Variants in NT5DC1 observed in about 807,000 individuals in gnomAD.
NT5DC1 encodes the protein 5'-nucleotidase domain-containing protein 1.
In NT5DC1, 42 loss-of-function variants were observed where a neutral mutation model predicts 59.4. That is an observed-to-expected ratio of 0.71 (90% confidence interval 0.55 to 0.92). NT5DC1 has a LOEUF of 0.92. Ranked by LOEUF, NT5DC1 falls within the 40% of genes least tolerant of loss-of-function variation. The pLI, the probability that NT5DC1 is intolerant of heterozygous loss-of-function variation, is 0.00. For synonymous variants in NT5DC1, 172 were observed against 188.1 expected, an observed-to-expected ratio of 0.91 and a Z score of 0.70; for missense variants, 501 against 537.1, an observed-to-expected ratio of 0.93 and a Z score of 0.66.
intron 11 of NT5DC1, among the ~76,000 whole-genome samples, chr6:116,241,943 A>C (rs1582889424): frequency 5.3e-5 from 1 of 18,722 alleles, no homozygotes; most frequent in African/African-American, 3.0e-4. Flanking sequence ...AAAAAACAAA[A>C]CAAAAAAAAA....
chr6:116,202,355 T>A (rs1427816633), intron 6 of NT5DC1, among the ~76,000 whole-genome samples: 2 of 152,104 alleles, frequency 1.3e-5, no homozygotes, highest in East Asian at 3.9e-4. Context: ...CCCACTTAAA[T>A]CTAAAGCTGT....
rs15679 is a variant in NT5DC1, at chr6:116,244,562, C to A, written c.*538C>A. On this transcript the variant is annotated 3_prime_UTR_variant, in exon 12 of 12. Coordinates refer to ENST00000319550, the MANE Select transcript of NT5DC1 (RefSeq NM_152729.3). ...ATTGGTCTGGGTAAATATGGCTGAG[C>A]GTTGTTATCTTTTGTTATCTTTTAT... 34,766 of 152,068 alleles carry A rather than the reference C, an allele frequency of 0.23. 4,234 individuals carry two copies. The highest frequency in any genetic ancestry group is 0.31 in the East Asian group (1,581 of 5,170). 9.4% of individuals were successfully genotyped at this position (152,068 alleles called of 1,614,324 possible).
intron 5 of NT5DC1, 145 bp from the exon 6 acceptor site, chr6:116,117,716 C>G (rs1778994044): frequency 8.5e-6 from 5 of 586,812 alleles, no homozygotes; most frequent in South Asian, 4.3e-5. Flanking sequence ...ATCTTCATCA[C>G]TTTTGTACCA....
At chr6:116,168,082 T>A (rs188233739) in intron 6 of NT5DC1, among the ~76,000 whole-genome samples, 2 of 136,698 alleles carry the variant, frequency 1.5e-5, no homozygotes, top group Non-Finnish European at 3.2e-5. Context: ...GTACCTGGTG[T>A]CTTTTTTTTT....
intron 6 of NT5DC1, among the ~76,000 whole-genome samples, chr6:116,209,092 A>G (rs1197580681): frequency 1.3e-5 from 2 of 152,032 alleles, no homozygotes; most frequent in Admixed American, 1.3e-4. Context: ...GGTACTTTCT[A>G]GTAATAGTGC....
chr6:116,175,390 T>A (rs192763463), intron 6 of NT5DC1, among the ~76,000 whole-genome samples: 1 of 152,306 alleles, frequency 6.6e-6, no homozygotes, highest in Non-Finnish European at 1.5e-5. Flanking sequence ...TTGACTATGA[T>A]GTGGTAGATT....
At chr6:116,148,612 T>C (rs1200479350) in intron 6 of NT5DC1, among the ~76,000 whole-genome samples, 1 of 152,226 alleles carries the variant, frequency 6.6e-6, no homozygotes, top group African/African-American at 2.4e-5. Flanking sequence ...TGTATTTTTT[T>C]AGAACATCAG....
intron 6 of NT5DC1, among the ~76,000 whole-genome samples, chr6:116,175,562 A>G (rs1562151042): frequency 6.6e-6 from 1 of 152,126 alleles, no homozygotes; most frequent in Non-Finnish European, 1.5e-5. Flanking sequence ...ATGTTGGACC[A>G]TTTGATAATG....
intron 9 of NT5DC1, chr6:116,237,529 C>T (rs556256042): frequency 1.3e-5 from 6 of 457,196 alleles, no homozygotes; most frequent in African/African-American, 1.2e-4. Flanking sequence ...TTGGCTGTCA[C>T]CATGCCACAG....
At chr6:116,125,193 A>G (rs1779258093) in intron 6 of NT5DC1, 1 of 814,910 alleles carries the variant, frequency 1.2e-6, no homozygotes, top group Non-Finnish European at 1.9e-6. Flanking sequence ...TACTTTTTTC[A>G]CAGATCACTT....
intron 6 of NT5DC1, among the ~76,000 whole-genome samples, chr6:116,133,199 AT>A (rs1194047426): frequency 6.6e-6 from 1 of 152,208 alleles, no homozygotes; most frequent in African/African-American, 2.4e-5. Flanking sequence ...TGAGTTAAAA[AT>A]ATAGAATGTC....
intron 6 of NT5DC1, among the ~76,000 whole-genome samples, chr6:116,185,655 GT>G (rs1780978809): frequency 6.6e-6 from 1 of 152,096 alleles, no homozygotes; most frequent in Admixed American, 6.6e-5. Context: ...TTGCTTTAAA[GT>G]TTGTTTTGTC....
intron 6 of NT5DC1, among the ~76,000 whole-genome samples, chr6:116,148,240 A>G (rs1471250468): frequency 6.6e-6 from 1 of 152,088 alleles, no homozygotes; most frequent in Non-Finnish European, 1.5e-5. Context: ...AGGGAGAATT[A>G]TTTTTCATTG....
rs1192361779 is a variant in NT5DC1, at chr6:116,221,235, G to T, written c.704+7G>T. On this transcript the variant is annotated splice_region_variant and intron_variant, in intron 7 of 11. Transcript: ENST00000319550. ...TCTGCGAATATATTCTTGGGTGAGTGATGAGTCATTCAGTTTTCATTGTCT... is the reference window on the plus strand; with the variant it reads ...TCTGCGAATATATTCTTGGGTGAGTTATGAGTCATTCAGTTTTCATTGTCT... 7.2e-6 allele frequency: 11 copies of T among 1,536,796 alleles called. No homozygotes were observed. Among genetic ancestry groups the T allele is most frequent in the Non-Finnish European group, 9.9e-6 (11 of 1,115,170 alleles).
rs1275275588 is a variant in NT5DC1, at chr6:116,244,247, A to G, written c.*223A>G. 2 of 328,634 alleles carry G rather than the reference A, an allele frequency of 6.1e-6. No homozygotes were observed. The highest frequency in any genetic ancestry group is 1.1e-5 in the Non-Finnish European group (2 of 179,898). The allele number at this position is 328,634 out of a possible 1,614,324, so 20.4% of individuals were successfully genotyped here. A position where few individuals can be genotyped will look rare whatever the true frequency, so the allele number is the denominator to read the frequency against. ...TTAGAACCTTATTGATATTTTCTAT[A>G]CAGTAGTTTTGTGATTAGAATTCAC... On this transcript the variant is annotated 3_prime_UTR_variant, in exon 12 of 12. Coordinates refer to ENST00000319550, the MANE Select transcript of NT5DC1 (RefSeq NM_152729.3).
At chr6:116,217,732 A>C (rs1781714371) in intron 6 of NT5DC1, among the ~76,000 whole-genome samples, 1 of 152,120 alleles carries the variant, frequency 6.6e-6, no homozygotes, top group Admixed American at 6.5e-5. Context: ...TTAGGTATTC[A>C]TATGTTGAAT....
chr6:116,221,373 A>C, intron 7 of NT5DC1, 145 bp downstream of exon 7: 1 of 582,752 alleles, frequency 1.7e-6, no homozygotes, highest in Non-Finnish European at 3.0e-6. Context: ...CTCATGACAT[A>C]CCTCAATCTC....
Position 116,237,040 on chromosome 6 carries a change from C to A in NT5DC1, c.877C>A (p.Leu293Ile). The change falls in exon 9 of 12, where the codon CTC becomes ATC. Residue 293 changes from leucine (L) to isoleucine (I), a missense_variant. Leu to Ile is a conservative substitution (Grantham distance 5). Transcript: ENST00000319550. Reference sequence around the variant, plus strand: ...GTACTCCCAAGGGAACGCTGTCCACCTCTATGAACTTCTGAAGAAAATGAC... The same window carrying A: ...GTACTCCCAAGGGAACGCTGTCCACATCTATGAACTTCTGAAGAAAATGAC... Reference protein sequence around the residue: ...GWYSQGNAVHLYELLKKMTGK... With the variant: ...GWYSQGNAVHIYELLKKMTGK... 6.2e-7 allele frequency: 1 copy of A among 1,613,236 alleles called. No homozygotes were observed. Among genetic ancestry groups the A allele is most frequent in the Non-Finnish European group, 8.5e-7 (1 of 1,179,248 alleles).
In NT5DC1 at chr6:116,205,921, A is replaced by G. The variant is rs73566428; in HGVS notation, c.530-15133A>G. On this transcript the variant is annotated intron_variant, in intron 6 of 11. Coordinates refer to ENST00000319550, the MANE Select transcript of NT5DC1 (RefSeq NM_152729.3). ...CTCTAGGCCTCATTTTCATATCTGC[A>G]CAATGAGATTAGGTTTTGTGGTCCC... Among the ~76,000 whole-genome samples, 619 of 152,064 alleles carry G rather than the reference A, an allele frequency of 4.1e-3. 6 individuals are homozygous for G. Among genetic ancestry groups the G allele is most frequent in the African/African-American group, 0.014 (588 of 41,528 alleles).
Sources: allele counts gnomAD v4.1 joint callset (sites outside exome capture counted in the v4.1 genomes callset), GRCh38; gene constraint gnomAD v4.1.1; transcripts MANE v1.5; gene names NCBI Gene and HGNC (gene_info 2026-07-23, HGNC 2026-07-21).